ZCCHC7: variants seen among roughly 807,000 people sequenced by gnomAD.
ZCCHC7 encodes zinc finger CCHC-type containing 7.
A neutral mutation model predicts 52.0 loss-of-function variants in ZCCHC7; 35 were observed. The ratio of observed to expected loss-of-function variants is 0.67; its 90% CI spans 0.51 to 0.89. The LOEUF is 0.89. ZCCHC7 is among the 40% of genes least tolerant of loss of function. The pLI, the probability that ZCCHC7 is intolerant of heterozygous loss-of-function variation, is 0.00. For synonymous variants in ZCCHC7, 217 were observed against 221.5 expected (o/e 0.98, Z 0.18); for missense variants, 574 against 649.1 (o/e 0.88, Z 1.26).
intron 2 of ZCCHC7, among the ~76,000 whole-genome samples, chr9:37,225,170 A>T (rs1442146472): frequency 6.6e-6 from 1 of 152,230 alleles, no homozygotes; most frequent in Non-Finnish European, 1.5e-5. Flanking sequence ...GCAAGGAGGA[A>T]CATCACACAG....
chr9:37,226,427 A>G (rs1825108114), intron 2 of ZCCHC7, among the ~76,000 whole-genome samples: 1 of 152,138 alleles, frequency 6.6e-6, no homozygotes, highest in African/African-American at 2.4e-5. Flanking sequence ...CTTAAGTTGA[A>G]TTTTCTAAAT....
chr9:37,298,021 A>G (rs988926099), intron 2 of ZCCHC7, among the ~76,000 whole-genome samples: 6 of 152,338 alleles, frequency 3.9e-5, no homozygotes, highest in African/African-American at 1.4e-4. Context: ...CTGCATCTCC[A>G]ACAAAATACA....
At chr9:37,316,684 A>G (rs1035178016) in intron 5 of ZCCHC7, among the ~76,000 whole-genome samples, 11 of 152,156 alleles carry the variant, frequency 7.2e-5, no homozygotes, top group Non-Finnish European at 1.5e-4. Flanking sequence ...GGTATAGATA[A>G]CAATGTCCAG....
At chr9:37,199,062 C>T (rs1393043534) in intron 2 of ZCCHC7, among the ~76,000 whole-genome samples, 2 of 152,252 alleles carry the variant, frequency 1.3e-5, no homozygotes, top group Non-Finnish European at 1.5e-5. Context: ...ATTTGCCACA[C>T]CCTCCTCCCC....
At chr9:37,132,551 A>T (rs545965535) in intron 2 of ZCCHC7, among the ~76,000 whole-genome samples, 1 of 152,276 alleles carries the variant, frequency 6.6e-6, no homozygotes, top group African/African-American at 2.4e-5. Flanking sequence ...TATACACATC[A>T]TGTGTGCACA....
intron 5 of ZCCHC7, among the ~76,000 whole-genome samples, chr9:37,313,387 G>C (rs1829677912): frequency 6.6e-6 from 1 of 152,132 alleles, no homozygotes; most frequent in Non-Finnish European, 1.5e-5. Flanking sequence ...TCGCATACAT[G>C]TTCATTGTTC....
chr9:37,292,733 T>C (rs1328904298), intron 2 of ZCCHC7, among the ~76,000 whole-genome samples: 3 of 152,218 alleles, frequency 2.0e-5, no homozygotes, highest in Non-Finnish European at 4.4e-5. Flanking sequence ...AGAACTGGTA[T>C]TGTTTCTTAC....
At chr9:37,345,126 C>CA (rs1820880336) in intron 6 of ZCCHC7, among the ~76,000 whole-genome samples, 1 of 152,236 alleles carries the variant, frequency 6.6e-6, no homozygotes, top group Admixed American at 6.5e-5. Flanking sequence ...TTGCCAACAA[C>CA]TTCCTATTTG....
chr9:37,211,076 G>C (rs1362522624), intron 2 of ZCCHC7, among the ~76,000 whole-genome samples: 1 of 152,192 alleles, frequency 6.6e-6, no homozygotes, highest in African/African-American at 2.4e-5. Context: ...TGGTTAGCTG[G>C]AACAGTGTGA....
intron 6 of ZCCHC7, among the ~76,000 whole-genome samples, chr9:37,329,924 GATTA>G (rs1008237850): frequency 2.6e-5 from 4 of 151,706 alleles, no homozygotes; most frequent in African/African-American, 9.7e-5. Flanking sequence ...CTTAAGCATT[GATTA>G]ATTACTTTTT....
At chr9:37,228,920 C>G (rs1825259971) in intron 2 of ZCCHC7, among the ~76,000 whole-genome samples, 1 of 145,934 alleles carries the variant, frequency 6.9e-6, no homozygotes, top group South Asian at 2.2e-4. Flanking sequence ...ACTGCAACCT[C>G]TGCCTCCCAG....
intron 2 of ZCCHC7, among the ~76,000 whole-genome samples, chr9:37,260,742 A>G (rs1826825001): frequency 6.6e-6 from 1 of 152,142 alleles, no homozygotes; most frequent in Non-Finnish European, 1.5e-5. Context: ...TTGTTTTAAA[A>G]CATGCTACCT....
Position 37,305,612 on chromosome 9 carries a change from C to T in ZCCHC7, c.849C>T (p.Cys283=), listed in dbSNP as rs137880533. ...HLLYSCPAPL[C]EYCPVPKMLD... ...TGTATTCCTGTCCAGCCCCCCTTTG[C>T]GAATACTGTCCTGTGCCTAAGATGT... The change falls in exon 5 of 9, where the codon TGC becomes TGT. Residue 283 remains cysteine, a synonymous_variant. Coordinates refer to ENST00000336755, the MANE Select transcript of ZCCHC7 (RefSeq NM_032226.3). The T allele has an allele frequency of 0.013, 21,110 of 1,614,072 alleles. 175 individuals carry two copies. The highest frequency in any genetic ancestry group is 0.015 in the Non-Finnish European group (17,960 of 1,179,964).
intron 2 of ZCCHC7, among the ~76,000 whole-genome samples, chr9:37,192,016 A>G (rs1823046294): frequency 6.6e-6 from 1 of 152,254 alleles, no homozygotes; most frequent in Non-Finnish European, 1.5e-5. Context: ...CTTTCTAGCA[A>G]CTAATGTTGC....
Position 37,190,288 on chromosome 9 carries a change from T to TA in ZCCHC7, c.610+63354dup, listed in dbSNP as rs564890125. The stretch of plus-strand genomic sequence containing the variant: ...TGGGTATGGAGGATGTTGAAAAGAA[T>TA]AAAAAAAATGCCTAGGGAATTTTCT... On this transcript the variant is annotated intron_variant, in intron 2 of 8. Transcript: ENST00000336755. Among the ~76,000 whole-genome samples, 13 of 150,990 alleles carry TA rather than the reference T, an allele frequency of 8.6e-5. No homozygotes were observed. The South Asian group carries it at 2.3e-3, about 27-fold the overall frequency.
chr9:37,334,295 G>A (rs1040923988), intron 6 of ZCCHC7, among the ~76,000 whole-genome samples: 2 of 151,856 alleles, frequency 1.3e-5, no homozygotes, highest in Non-Finnish European at 2.9e-5. Flanking sequence ...ATTGATATTT[G>A]TATTAGACAT....
chr9:37,341,905 TAGG>T (rs996201561), intron 6 of ZCCHC7, among the ~76,000 whole-genome samples: 2 of 152,022 alleles, frequency 1.3e-5, no homozygotes, highest in African/African-American at 4.8e-5. Context: ...GGGAAAGTAG[TAGG>T]AGATGAGGTT....
intron 2 of ZCCHC7, among the ~76,000 whole-genome samples, chr9:37,288,065 G>A (rs1828340154): frequency 1.3e-5 from 2 of 152,014 alleles, no homozygotes; most frequent in South Asian, 2.1e-4. Flanking sequence ...GATGGCTTGA[G>A]CCCAAAAATT....
Position 37,357,145 on chromosome 9 carries a change from G to C in ZCCHC7, c.1509G>C (p.Thr503=). ...KPFHRSSHYH[T]SREDKSPKEG... is the part of the protein sequence containing the mutation. ...TTCACCGTTCATCACATTACCACAC[G>C]TCAAGAGAAGACAAGTCTCCCAAGG... Residue 503 remains threonine, a synonymous_variant, in exon 9 of 9, where the codon ACG becomes ACC. Coordinates refer to ENST00000336755, the MANE Select transcript of ZCCHC7 (RefSeq NM_032226.3). 1 of 1,613,348 alleles carries C rather than the reference G, an allele frequency of 6.2e-7. No homozygotes were observed. Among genetic ancestry groups the C allele is most frequent in the Non-Finnish European group, 8.5e-7 (1 of 1,179,890 alleles).
Sources: gnomAD v4.1 joint callset for allele counts (sites outside exome capture counted in the v4.1 genomes callset) on GRCh38, gnomAD v4.1.1 for gene constraint, MANE v1.5 for transcripts, NCBI Gene and HGNC (gene_info 2026-07-23, HGNC 2026-07-21) for gene names.